ARL3: variants seen among roughly 807,000 people sequenced by gnomAD.
The protein encoded by ARL3 is ADP-ribosylation factor-like protein 3.
In ARL3, 9 loss-of-function variants were observed where a neutral mutation model predicts 26.0. The ratio of observed to expected loss-of-function variants is 0.35; its 90% confidence interval spans 0.21 to 0.60. The LOEUF (loss-of-function observed/expected upper bound fraction) is 0.60, where lower values mean the gene tolerates loss of function less well. Ranked by LOEUF, ARL3 falls within the 20% of genes least tolerant of loss-of-function variation. The pLI is 0.78. For missense variants in ARL3, 158 were observed against 215.7 expected (o/e 0.73, Z 1.67); for synonymous variants, 71 against 78.4 (o/e 0.91, Z 0.50).
intron 2 of ARL3, among the ~76,000 whole-genome samples, chr10:102,703,734 C>T (rs1359094685): frequency 1.3e-5 from 2 of 152,040 alleles, no homozygotes; most frequent in South Asian, 4.2e-4. Flanking sequence ...TGAGCCACCA[C>T]GCCCGGCCCA....
intron 2 of ARL3, among the ~76,000 whole-genome samples, chr10:102,701,829 G>A (rs1459582562): frequency 6.6e-6 from 1 of 152,094 alleles, no homozygotes; most frequent in Non-Finnish European, 1.5e-5. Flanking sequence ...ATTTAGAGAT[G>A]TATATTACAT....
chr10:102,706,318 G>A (rs763894648), intron 1 of ARL3, among the ~76,000 whole-genome samples: 2 of 152,054 alleles, frequency 1.3e-5, no homozygotes, highest in Non-Finnish European at 2.9e-5. Context: ...GGGCGTGGTG[G>A]CAGGCGCTTT....
rs553603379 is a variant in ARL3, at chr10:102,708,016, C to T, written c.4-2527G>A. ...GCAGCTTCGACTCCCTGGGCTCAAGCGATCCTCCCACCTCAGCCTCTCCAG... is the reference window on the plus strand; with the variant it reads ...GCAGCTTCGACTCCCTGGGCTCAAGTGATCCTCCCACCTCAGCCTCTCCAG... On this transcript the variant is annotated intron_variant, in intron 1 of 5. Transcript: ENST00000260746. Among the ~76,000 whole-genome samples the T allele has an allele frequency of 5.9e-5, 9 of 152,116 alleles. No individual in the cohort carries two copies. In the East Asian group the frequency reaches 1.4e-3, roughly 23 times the overall value.
At chr10:102,708,446 T>G (rs2064320518) in intron 1 of ARL3, among the ~76,000 whole-genome samples, 1 of 152,142 alleles carries the variant, frequency 6.6e-6, no homozygotes, top group South Asian at 2.1e-4. Context: ...TAAAATAAAT[T>G]ATAAAACATC....
At chr10:102,703,547 C>T (rs1304709789) in intron 2 of ARL3, among the ~76,000 whole-genome samples, 1 of 146,850 alleles carries the variant, frequency 6.8e-6, no homozygotes, top group East Asian at 2.1e-4. Context: ...GGGTTCACGC[C>T]ATTCTCCTGC....
chr10:102,695,953 C>G (rs1209501781), intron 3 of ARL3, among the ~76,000 whole-genome samples: 1 of 151,884 alleles, frequency 6.6e-6, no homozygotes, highest in African/African-American at 2.4e-5. Context: ...GGAGTGACCA[C>G]CATGCCCGGC....
Position 102,676,899 on chromosome 10 carries a change from T to C in ARL3, c.544A>G (p.Lys182Glu). The change falls in exon 6 of 6, where the codon AAA becomes GAA. Residue 182 changes from lysine (K) to glutamate (E), a missense_variant. Coordinates refer to ENST00000260746, the MANE Select transcript of ARL3 (RefSeq NM_004311.4). ...WVCKNVNAKK[K>E] ...CATCTCCATTCGTCTAGATTTTATT[T>C]CTTCTTTGCATTGACATTTTTGCAG... is the stretch of plus-strand genomic sequence containing the variant. 1 of 1,614,168 alleles carries C rather than the reference T, an allele frequency of 6.2e-7. No homozygotes were observed. The highest frequency in any genetic ancestry group is 8.5e-7 in the Non-Finnish European group (1 of 1,179,990).
chr10:102,674,395 C>G lies in ARL3; in HGVS notation c.*2499G>C, dbSNP rs545068844. The stretch of plus-strand genomic sequence containing the variant: ...GGGAATCCAGCCAAAAGCAGCCACA[C>G]GGGGTAGGTCGGGAGGAGGGGAGGA... On this transcript the variant is annotated 3_prime_UTR_variant, in exon 6 of 6. Transcript: ENST00000260746. 1 of 152,198 alleles carries G rather than the reference C, an allele frequency of 6.6e-6. No homozygotes were observed. Among genetic ancestry groups the G allele is most frequent in the Non-Finnish European group, 1.5e-5 (1 of 68,114 alleles). 9.4% of individuals were successfully genotyped at this position (152,198 alleles called of 1,614,324 possible).
chr10:102,675,272 G>C lies in ARL3; in HGVS notation c.*1622C>G, dbSNP rs759662593. The C allele has an allele frequency of 6.6e-6, 1 of 152,304 alleles. No individual in the cohort carries two copies. Among genetic ancestry groups the C allele is most frequent in the Admixed American group, 6.5e-5 (1 of 15,288 alleles). The allele number at this position is 152,304 out of a possible 1,614,324, so 9.4% of individuals were successfully genotyped here. ...CAGCAACTCTGGGGCACCTTTTCAC[G>C]GCTGGCTTTGTTAATGACTTTCATG... On this transcript the variant is annotated 3_prime_UTR_variant, in exon 6 of 6. Coordinates refer to ENST00000260746, the MANE Select transcript of ARL3 (RefSeq NM_004311.4).
At chr10:102,694,720 G>C (rs1367638419) in intron 3 of ARL3, among the ~76,000 whole-genome samples, 1 of 151,900 alleles carries the variant, frequency 6.6e-6, no homozygotes, top group Non-Finnish European at 1.5e-5. Context: ...AATGTATGCT[G>C]TCTTCTTTTT....
At chr10:102,708,908 A>ATATATATATATATATATTT in intron 1 of ARL3, among the ~76,000 whole-genome samples, 11 of 95,324 alleles carry the variant, frequency 1.2e-4, no homozygotes, top group African/African-American at 3.4e-4. Flanking sequence ...ATATATATAT[A>ATATATATATATATATATTT]TTTTTTTTTT....
intron 2 of ARL3, among the ~76,000 whole-genome samples, chr10:102,703,809 C>T (rs938564482): frequency 6.6e-6 from 1 of 151,930 alleles, no homozygotes; most frequent in Non-Finnish European, 1.5e-5. Context: ...GCTTTGCTTG[C>T]TTGCCCTTTT....
intron 5 of ARL3, among the ~76,000 whole-genome samples, chr10:102,677,583 G>A (rs768637293): frequency 1.3e-5 from 2 of 152,262 alleles, no homozygotes; most frequent in Non-Finnish European, 1.5e-5. Context: ...CCTTGAAAGC[G>A]CCCTCTCTTA....
At chr10:102,704,374 T>G (rs887530613) in intron 2 of ARL3, among the ~76,000 whole-genome samples, 1 of 152,146 alleles carries the variant, frequency 6.6e-6, no homozygotes, top group Admixed American at 6.5e-5. Context: ...GTGTGGTGGC[T>G]CACACCTGTA....
chr10:102,676,076 T>C lies in ARL3; in HGVS notation c.*818A>G, dbSNP rs2064129068. The stretch of plus-strand genomic sequence containing the variant: ...AGCCTGTTTACGCTAGCCTGAGCCC[T>C]CGATGTGAGAGCTTTTTAAGGACCT... On this transcript the variant is annotated 3_prime_UTR_variant, in exon 6 of 6. Transcript: ENST00000260746. 6.6e-6 allele frequency: 1 copy of C among 152,584 alleles called. No homozygotes were observed. The highest frequency in any genetic ancestry group is 2.4e-5 in the African/African-American group (1 of 41,432). The allele number at this position is 152,584 out of a possible 1,614,324, so 9.5% of individuals were successfully genotyped here. A position where few individuals can be genotyped will look rare whatever the true frequency, so the allele number is the denominator to read the frequency against.
chr10:102,703,250 T>C (rs772156921), intron 2 of ARL3, among the ~76,000 whole-genome samples: 3 of 150,578 alleles, frequency 2.0e-5, no homozygotes, highest in Non-Finnish European at 2.9e-5. Context: ...GTCTCCTGAG[T>C]AGCTGGGATA....
At chr10:102,678,782 G>A (rs775483747) in intron 5 of ARL3, among the ~76,000 whole-genome samples, 2 of 152,282 alleles carry the variant, frequency 1.3e-5, no homozygotes, top group Non-Finnish European at 2.9e-5. Context: ...AAAGCAGAAG[G>A]TGGAGGGTGT....
intron 2 of ARL3, among the ~76,000 whole-genome samples, chr10:102,704,025 C>T (rs1792732158): frequency 6.6e-6 from 1 of 151,604 alleles, no homozygotes; most frequent in Non-Finnish European, 1.5e-5. Context: ...GTGGCGTGCA[C>T]CTGTAGTCCC....
chr10:102,707,303 GA>G (rs1176184847), intron 1 of ARL3, among the ~76,000 whole-genome samples: 2 of 141,224 alleles, frequency 1.4e-5, no homozygotes, highest in African/African-American at 5.2e-5. Flanking sequence ...GTCTCAAAAA[GA>G]AAAAAAAAGA....
Sources: gnomAD v4.1 joint callset for allele counts (sites outside exome capture counted in the v4.1 genomes callset) on GRCh38, gnomAD v4.1.1 for gene constraint, MANE v1.5 for transcripts, NCBI Gene and HGNC (gene_info 2026-07-23, HGNC 2026-07-21) for gene names.